Variants in FRAS1 observed in about 807,000 individuals in gnomAD.
FRAS1 encodes extracellular matrix organizing protein FRAS1.
Under a neutral mutation model 435.2 loss-of-function variants are expected in FRAS1, and 290 were observed. The ratio of observed to expected loss-of-function variants is 0.67; its 90% confidence interval spans 0.61 to 0.73. The LOEUF (loss-of-function observed/expected upper bound fraction) is 0.73, where lower values mean the gene tolerates loss of function less well. FRAS1 is among the 30% of genes least tolerant of loss of function. The probability of loss-of-function intolerance (pLI) is 0.00; values close to 1 mark genes in which losing one functional copy is unlikely to be tolerated. For missense variants in FRAS1, 4,860 were observed against 5,001.5 expected (o/e 0.97, Z 0.85); for synonymous variants, 1,800 against 1,851.0 (o/e 0.97, Z 0.71).
At chr4:78,479,088 T>C (rs137901235) in intron 55 of FRAS1, among the ~76,000 whole-genome samples, 24 of 152,332 alleles carry the variant, frequency 1.6e-4, no homozygotes, top group Admixed American at 1.2e-3. Flanking sequence ...CCTGCTGTGG[T>C]CTTAGATGGT....
chr4:78,533,694 T>C (rs1469210195), intron 70 of FRAS1, among the ~76,000 whole-genome samples: 1 of 152,122 alleles, frequency 6.6e-6, no homozygotes, highest in Non-Finnish European at 1.5e-5. Context: ...ATAATAACAC[T>C]AGAAGGAAGA....
intron 66 of FRAS1, 40 bp from the exon 67 acceptor site, chr4:78,519,291 G>A: frequency 6.9e-7 from 1 of 1,458,004 alleles, no homozygotes; most frequent in Non-Finnish European, 9.0e-7. Flanking sequence ...TTTCATCCCA[G>A]GGGAGAAATA....
At chr4:78,098,007 C>T (rs1741903056) in intron 2 of FRAS1, among the ~76,000 whole-genome samples, 1 of 152,022 alleles carries the variant, frequency 6.6e-6, no homozygotes, top group Admixed American at 6.5e-5. Context: ...TCATGGACTT[C>T]CAGCCTCCAG....
chr4:78,532,102 TTAAA>T (rs1245041967), intron 70 of FRAS1, among the ~76,000 whole-genome samples: 3 of 152,182 alleles, frequency 2.0e-5, no homozygotes, highest in African/African-American at 7.2e-5. Context: ...ACTCCACAGT[TTAAA>T]TAAACCCTAA....
intron 2 of FRAS1, among the ~76,000 whole-genome samples, chr4:78,129,336 G>C (rs1040683043): frequency 1.3e-5 from 2 of 152,168 alleles, no homozygotes; most frequent in African/African-American, 4.8e-5. Context: ...TGCTTTTGTG[G>C]TATCTGTGAG....
chr4:78,364,721 T>C (rs959560442), intron 22 of FRAS1, among the ~76,000 whole-genome samples: 2 of 152,274 alleles, frequency 1.3e-5, no homozygotes, highest in African/African-American at 4.8e-5. Context: ...GGAACATTTA[T>C]GATAGGCTGA....
chr4:78,494,877 C>T (rs1720468548), intron 59 of FRAS1, among the ~76,000 whole-genome samples: 1 of 152,026 alleles, frequency 6.6e-6, no homozygotes, highest in South Asian at 2.1e-4. Context: ...TTATCAAAAT[C>T]AATTTTGATA....
intron 2 of FRAS1, among the ~76,000 whole-genome samples, chr4:78,211,231 A>T (rs1169499022): frequency 6.6e-6 from 1 of 152,158 alleles, no homozygotes; most frequent in Non-Finnish European, 1.5e-5. Context: ...TATCTATGGA[A>T]ACCTGGGTGG....
intron 50 of FRAS1, among the ~76,000 whole-genome samples, chr4:78,469,399 C>A (rs1719636010): frequency 6.6e-6 from 1 of 152,128 alleles, no homozygotes; most frequent in South Asian, 2.1e-4. Context: ...GCTATTACCA[C>A]AAATGCTTTT....
chr4:78,532,718 A>G (rs1721754505), intron 70 of FRAS1, among the ~76,000 whole-genome samples: 1 of 152,178 alleles, frequency 6.6e-6, no homozygotes, highest in Non-Finnish European at 1.5e-5. Context: ...GATTCCATAT[A>G]TAAGTGAAAT....
chr4:78,245,133 ATGAGATTTAG>A, intron 3 of FRAS1, 90 bp from the exon 4 acceptor site: 1 of 811,378 alleles, frequency 1.2e-6, no homozygotes. Context: ...TCAGAAACGC[ATGAGATTTAG>A]TGAATGTAAG....
intron 20 of FRAS1, among the ~76,000 whole-genome samples, chr4:78,362,302 A>C (rs905949750): frequency 6.6e-6 from 1 of 152,208 alleles, no homozygotes; most frequent in Admixed American, 6.5e-5. Flanking sequence ...GGAAGGCCAA[A>C]TCTGTGAGAA....
intron 23 of FRAS1, among the ~76,000 whole-genome samples, chr4:78,371,803 T>C (rs2110307566): frequency 6.6e-6 from 1 of 152,348 alleles, no homozygotes; most frequent in Middle Eastern, 3.4e-3. Flanking sequence ...CAGAATTGCC[T>C]GGGCCATTAA....
chr4:78,488,834 T>G, intron 58 of FRAS1, 41 bp from the exon 59 acceptor site: 1 of 1,573,684 alleles, frequency 6.4e-7, no homozygotes, highest in Non-Finnish European at 8.7e-7. Context: ...CTTCCCTGTC[T>G]TCCACTAATG....
intron 2 of FRAS1, among the ~76,000 whole-genome samples, chr4:78,185,840 C>T (rs1722246462): frequency 6.6e-6 from 1 of 152,182 alleles, no homozygotes; most frequent in African/African-American, 2.4e-5. Flanking sequence ...CTCTCTTGTC[C>T]TATCCTAATA....
At chr4:78,482,359 T>G (rs1322943275) in intron 57 of FRAS1, 29 bp from the exon 58 acceptor site, 2 of 1,613,458 alleles carry the variant, frequency 1.2e-6, no homozygotes, top group African/African-American at 2.7e-5. Flanking sequence ...GTGGGTCCTC[T>G]GTCAAGTTTG....
chr4:78,540,520 TCC>T lies in FRAS1; in HGVS notation c.11446-7_11446-6del. 2 of 1,481,092 alleles carry T rather than the reference TCC, an allele frequency of 1.4e-6. No individual in the cohort carries two copies. Among genetic ancestry groups the T allele is most frequent in the Non-Finnish European group, 1.8e-6 (2 of 1,111,484 alleles). The allele number at this position is 1,481,092 out of a possible 1,614,324, so 91.7% of individuals were successfully genotyped here. ...GGGCAACAACAACATGTTCGGTTTG[TCC>T]CCCTGCAGGTGGAAGCAGGACACCA... On this transcript the variant is annotated splice_polypyrimidine_tract_variant and intron_variant, in intron 73 of 73. Coordinates refer to ENST00000512123, the MANE Select transcript of FRAS1 (RefSeq NM_025074.7).
chr4:78,277,352 G>C (rs1227422987), intron 9 of FRAS1, among the ~76,000 whole-genome samples: 1 of 152,178 alleles, frequency 6.6e-6, no homozygotes, highest in Non-Finnish European at 1.5e-5. Flanking sequence ...GCCCCAGTGA[G>C]ATATACCCAG....
intron 14 of FRAS1, among the ~76,000 whole-genome samples, chr4:78,304,922 C>G (rs1420289152): frequency 6.6e-6 from 1 of 152,084 alleles, no homozygotes; most frequent in Non-Finnish European, 1.5e-5. Context: ...TGTGTTTGCA[C>G]TTGCTTTTCT....
Sources: gnomAD v4.1 joint callset for allele counts (sites outside exome capture counted in the v4.1 genomes callset) on GRCh38, gnomAD v4.1.1 for gene constraint, MANE v1.5 for transcripts, NCBI Gene and HGNC (gene_info 2026-07-23, HGNC 2026-07-21) for gene names.